The following KIF5C variants were observed in gnomAD, a reference collection of about 807,000 sequenced individuals.
KIF5C encodes the protein kinesin family member 5C.
KIF5C carries 18 observed loss-of-function variants against 125.2 expected under a neutral mutation model. The ratio of observed to expected loss-of-function variants is 0.14; its 90% CI spans 0.10 to 0.21. The LOEUF (loss-of-function observed/expected upper bound fraction) is 0.21. KIF5C is among the 10% of genes least tolerant of loss of function. The pLI is 1.00. For synonymous variants in KIF5C, 405 were observed against 434.0 expected, an observed-to-expected ratio of 0.93 and a Z score of 0.83; for missense variants, 780 against 1,183.8, an observed-to-expected ratio of 0.66 and a Z score of 5.01.
chr2:149,005,530 A>G (rs1014396520), intron 22 of KIF5C, 66 bp downstream of exon 22: 5 of 1,584,528 alleles, frequency 3.2e-6, no homozygotes, highest in African/African-American at 1.3e-5. Context: ...AATCATTTTC[A>G]GTTGAAATAT....
intron 13 of KIF5C, among the ~76,000 whole-genome samples, chr2:148,980,729 G>GA (rs1362771011): frequency 6.7e-6 from 1 of 148,452 alleles, no homozygotes; most frequent in Non-Finnish European, 1.5e-5. Flanking sequence ...TTATTTAGAC[G>GA]AAGTCTTGCT....
At chr2:149,022,486 G>A (rs182352493) in intron 25 of KIF5C, among the ~76,000 whole-genome samples, 73 of 152,090 alleles carry the variant, frequency 4.8e-4, no homozygotes, top group Non-Finnish European at 9.7e-4. Context: ...AAAAATCTCA[G>A]TAGTAATATT....
chr2:148,900,837 G>A (rs530014394), intron 1 of KIF5C, among the ~76,000 whole-genome samples: 1 of 152,298 alleles, frequency 6.6e-6, no homozygotes, highest in Non-Finnish European at 1.5e-5. Flanking sequence ...GTAGGAGTGG[G>A]GCCACAAGGA....
chr2:148,889,109 A>G (rs1045896755), intron 1 of KIF5C, among the ~76,000 whole-genome samples: 2 of 152,210 alleles, frequency 1.3e-5, no homozygotes, highest in Non-Finnish European at 2.9e-5. Flanking sequence ...TGCTGTGAAC[A>G]TTTTAATTTG....
intron 1 of KIF5C, chr2:148,879,237 G>T (rs1432621886): frequency 1.3e-5 from 2 of 152,150 alleles, no homozygotes; most frequent in African/African-American, 4.8e-5. Flanking sequence ...CAAGAACTGT[G>T]CATGTTTTGC....
At chr2:148,996,806 C>A (rs1681687269) in intron 17 of KIF5C, among the ~76,000 whole-genome samples, 1 of 152,194 alleles carries the variant, frequency 6.6e-6, no homozygotes, top group Non-Finnish European at 1.5e-5. Context: ...AACGCCTACC[C>A]ATGGGAGGTA....
intron 1 of KIF5C, among the ~76,000 whole-genome samples, chr2:148,909,735 C>G (rs1413763493): frequency 1.3e-5 from 2 of 152,202 alleles, no homozygotes; most frequent in East Asian, 3.8e-4. Context: ...TAACGTTTCT[C>G]TGCTCACAAG....
chr2:148,928,596 C>G (rs1313672241), intron 2 of KIF5C, among the ~76,000 whole-genome samples: 3 of 152,146 alleles, frequency 2.0e-5, no homozygotes, highest in African/African-American at 7.2e-5. Flanking sequence ...GAGGGGTTTG[C>G]ACAGTGCTCT....
At position 148,928,971 on chromosome 2, in the gene KIF5C, G is replaced by T. The variant is rs574136537; in HGVS notation, c.218-310G>T. Among the ~76,000 whole-genome samples, 280 of 152,268 alleles carry T rather than the reference G, an allele frequency of 1.8e-3. 1 individual carries two copies. Among genetic ancestry groups the T allele is most frequent in the Non-Finnish European group, 3.1e-3 (211 of 68,008 alleles). ...ACTGATCTCAAGAGATCAACTTATAGAAGAAAACTCAAATATCCTTCTACT... is the reference window on the plus strand; with the variant it reads ...ACTGATCTCAAGAGATCAACTTATATAAGAAAACTCAAATATCCTTCTACT... On this transcript the variant is annotated intron_variant, in intron 2 of 25. Transcript: ENST00000435030.
chr2:148,921,527 G>T (rs1373995128), intron 1 of KIF5C, among the ~76,000 whole-genome samples: 1 of 152,142 alleles, frequency 6.6e-6, no homozygotes, highest in Non-Finnish European at 1.5e-5. Context: ...TTGCCCTCCA[G>T]TTCCTTGAAC....
chr2:149,008,825 G>A (rs1682090281), intron 23 of KIF5C, among the ~76,000 whole-genome samples: 1 of 152,052 alleles, frequency 6.6e-6, no homozygotes. Flanking sequence ...TATTACTGAT[G>A]ATGGCATTTT....
At chr2:148,948,763 G>A (rs73009508) in intron 8 of KIF5C, among the ~76,000 whole-genome samples, 2,067 of 152,204 alleles carry the variant, frequency 0.014, 56 homozygotes, top group African/African-American at 0.047. Context: ...GGTGATAGAT[G>A]GTACCTGCCT....
At chr2:148,985,096 C>T (rs1439014495) in intron 15 of KIF5C, among the ~76,000 whole-genome samples, 2 of 152,150 alleles carry the variant, frequency 1.3e-5, no homozygotes, top group Non-Finnish European at 2.9e-5. Flanking sequence ...AGCCACCACA[C>T]CTGGCCATTG....
chr2:149,008,113 G>A, intron 23 of KIF5C, 46 bp downstream of exon 23: 1 of 1,558,444 alleles, frequency 6.4e-7, no homozygotes, highest in Non-Finnish European at 8.7e-7. Flanking sequence ...CCTCTCTCCT[G>A]GAAAGAAGCC....
Position 148,875,575 on chromosome 2 carries a change from G to GCCCCCCCCCCCCCCCCCCTCCCCC in KIF5C, c.-37_-36insCCCCCCCCCCCCTCCCCCCCCCCC. On this transcript the variant is annotated 5_prime_UTR_variant, in exon 1 of 26. Coordinates refer to ENST00000435030, the MANE Select transcript of KIF5C (RefSeq NM_004522.3). ...TCCTCCCTCGTCGTTCCCGGCCCCG[G>GCCCCCCCCCCCCCCCCCCTCCCCC]CCCCCCACCCATCCCCGTGCCCCCT... 1 of 699,602 alleles carries GCCCCCCCCCCCCCCCCCCTCCCCC rather than the reference G, an allele frequency of 1.4e-6. No individual in the cohort carries two copies. The highest frequency in any genetic ancestry group is 2.6e-6 in the Non-Finnish European group (1 of 389,230). The allele number at this position is 699,602 out of a possible 1,614,324, so 43.3% of individuals were successfully genotyped here. A position where few individuals can be genotyped will look rare whatever the true frequency, so the allele number is the denominator to read the frequency against.
chr2:148,914,826 T>C (rs1261766408), intron 1 of KIF5C, among the ~76,000 whole-genome samples: 1 of 152,186 alleles, frequency 6.6e-6, no homozygotes, highest in Non-Finnish European at 1.5e-5. Context: ...CGTCATCCCA[T>C]GTAGACTGGG....
In KIF5C at chr2:149,024,515, A is replaced by AGTGT. The variant is rs10577971; in HGVS notation, c.*1488_*1491dup. On this transcript the variant is annotated 3_prime_UTR_variant, in exon 26 of 26. Coordinates refer to ENST00000435030, the MANE Select transcript of KIF5C (RefSeq NM_004522.3). Reference sequence around the variant, plus strand: ...GACTGTGTGGGTCGAAGGTAGCTCAAGTGTGTGTGTGTGTGTGTGTGTGTG... The same window carrying AGTGT: ...GACTGTGTGGGTCGAAGGTAGCTCAAGTGTGTGTGTGTGTGTGTGTGTGTGTGTG... 4.2e-3 allele frequency: 538 copies of AGTGT among 128,188 alleles called. 4 individuals carry two copies. The highest frequency in any genetic ancestry group is 4.8e-3 in the South Asian group (17 of 3,574). The allele number at this position is 128,188 out of a possible 1,614,324, so 7.9% of individuals were successfully genotyped here.
chr2:149,007,500 C>T (rs1212040761), intron 22 of KIF5C, among the ~76,000 whole-genome samples: 1 of 152,132 alleles, frequency 6.6e-6, no homozygotes, highest in Non-Finnish European at 1.5e-5. Context: ...AAGCAGAGGC[C>T]ATTAAGACTT....
At chr2:149,002,701 C>A (rs1179533340) in intron 21 of KIF5C, among the ~76,000 whole-genome samples, 1 of 152,084 alleles carries the variant, frequency 6.6e-6, no homozygotes. Context: ...AGGACACTCC[C>A]CCTCACACGC....
Sources: gnomAD v4.1 joint callset for allele counts (sites outside exome capture counted in the v4.1 genomes callset) on GRCh38, gnomAD v4.1.1 for gene constraint, MANE v1.5 for transcripts, NCBI Gene and HGNC (gene_info 2026-07-23, HGNC 2026-07-21) for gene names.